Variants in PID1 observed in about 807,000 individuals in gnomAD.
PID1 encodes the protein phosphotyrosine interaction domain containing 1, also known as PTB-containing, cubilin and LRP1-interacting protein.
Under a neutral mutation model 19.1 loss-of-function variants are expected in PID1, and 10 were observed. That is an observed-to-expected ratio of 0.52 (90% CI 0.32 to 0.89). The LOEUF is 0.89. Among genes scored for constraint, PID1 ranks in the 40% least tolerant of loss-of-function variants. The pLI, the probability that PID1 is intolerant of heterozygous loss-of-function variation, is 0.03. For missense variants in PID1, 248 were observed against 285.3 expected (o/e 0.87, Z 0.94); for synonymous variants, 130 against 116.0 (o/e 1.12, Z -0.78).
chr2:229,175,664 C>T (rs1474282101), intron 1 of PID1, among the ~76,000 whole-genome samples: 1 of 152,160 alleles, frequency 6.6e-6, no homozygotes, highest in East Asian at 1.9e-4. Context: ...CAAACTGCCC[C>T]ACCCTATCCT....
intron 2 of PID1, among the ~76,000 whole-genome samples, chr2:229,087,797 T>A (rs1694798483): frequency 6.6e-6 from 1 of 152,146 alleles, no homozygotes; most frequent in South Asian, 2.1e-4. Flanking sequence ...TGATATATAC[T>A]TGTGATACCT....
chr2:229,267,992 G>A (rs1690636372), intron 1 of PID1, among the ~76,000 whole-genome samples: 1 of 152,046 alleles, frequency 6.6e-6, no homozygotes, highest in Admixed American at 6.5e-5. Flanking sequence ...TTTATTCACT[G>A]TAAAAAGTTG....
intron 2 of PID1, among the ~76,000 whole-genome samples, chr2:229,125,146 G>A (rs189319259): frequency 6.6e-6 from 1 of 152,218 alleles, no homozygotes; most frequent in Admixed American, 6.5e-5. Context: ...AAAATGATGT[G>A]TGTCTCATTT....
chr2:229,103,005 T>C (rs1695104405), intron 2 of PID1, among the ~76,000 whole-genome samples: 1 of 152,162 alleles, frequency 6.6e-6, no homozygotes, highest in Non-Finnish European at 1.5e-5. Flanking sequence ...AAATTTCAGA[T>C]CTTACAGGCA....
At chr2:229,167,108 A>G (rs1690614638) in intron 1 of PID1, among the ~76,000 whole-genome samples, 1 of 152,054 alleles carries the variant, frequency 6.6e-6, no homozygotes, top group East Asian at 1.9e-4. Context: ...TCATCCTTAC[A>G]GTAAAGTTAT....
intron 2 of PID1, among the ~76,000 whole-genome samples, chr2:229,148,314 C>A (rs930202467): frequency 4.6e-5 from 7 of 152,174 alleles, no homozygotes; most frequent in Non-Finnish European, 8.8e-5. Flanking sequence ...GCGCTAGGTA[C>A]ACTAGCAGTA....
At chr2:229,119,383 GT>G (rs1695473380) in intron 2 of PID1, among the ~76,000 whole-genome samples, 1 of 152,166 alleles carries the variant, frequency 6.6e-6, no homozygotes. Flanking sequence ...CATTTCTCCA[GT>G]AACAATGGAC....
intron 2 of PID1, among the ~76,000 whole-genome samples, chr2:229,076,858 G>C (rs888893094): frequency 6.6e-6 from 1 of 152,140 alleles, no homozygotes; most frequent in Non-Finnish European, 1.5e-5. Context: ...ATAAACATAC[G>C]TGTGCATGTG....
chr2:229,198,264 T>C (rs1331361644), intron 1 of PID1, among the ~76,000 whole-genome samples: 1 of 152,066 alleles, frequency 6.6e-6, no homozygotes, highest in African/African-American at 2.4e-5. Context: ...GTATGTAACA[T>C]AAATACCTTT....
At chr2:229,201,109 A>T (rs574753792) in intron 1 of PID1, among the ~76,000 whole-genome samples, 3 of 152,146 alleles carry the variant, frequency 2.0e-5, no homozygotes, top group Admixed American at 2.0e-4. Flanking sequence ...TATTTCTTTT[A>T]TTATGGTAAA....
intron 1 of PID1, among the ~76,000 whole-genome samples, chr2:229,230,001 T>C (rs1692167871): frequency 6.6e-6 from 1 of 152,236 alleles, no homozygotes; most frequent in Admixed American, 6.5e-5. Context: ...ATTAAGACTA[T>C]TACAAAGACA....
At position 229,248,871 on chromosome 2, in the gene PID1, T is replaced by G. The variant is rs1369567175; in HGVS notation, c.30+22143A>C. Among the ~76,000 whole-genome samples the G allele has an allele frequency of 3.3e-5, 5 of 152,198 alleles. No individual in the cohort carries two copies. In the East Asian group the frequency reaches 9.6e-4, roughly 29 times the overall value. On this transcript the variant is annotated intron_variant, in intron 1 of 2. Coordinates refer to ENST00000392055, the MANE Select transcript of PID1 (RefSeq NM_001100818.2). Reference sequence around the variant, plus strand: ...CTTCTGTGTCATGTTGAAATAACTTTTTTTTTCTGAGCACTTCCTTGCTTT... The same window carrying G: ...CTTCTGTGTCATGTTGAAATAACTTGTTTTTTCTGAGCACTTCCTTGCTTT...
chr2:229,053,657 A>G (rs773069419), intron 2 of PID1, among the ~76,000 whole-genome samples: 15 of 152,320 alleles, frequency 9.8e-5, no homozygotes, highest in Non-Finnish European at 1.3e-4. Context: ...GACTGAGAGA[A>G]GTTAACTTTT....
intron 1 of PID1, among the ~76,000 whole-genome samples, chr2:229,248,186 T>G (rs1243585902): frequency 6.6e-6 from 1 of 152,206 alleles, no homozygotes. Context: ...TTTTTCCTGG[T>G]CCAGGATCAA....
At chr2:229,250,122 T>A (rs1390872989) in intron 1 of PID1, among the ~76,000 whole-genome samples, 1 of 152,230 alleles carries the variant, frequency 6.6e-6, no homozygotes, top group Non-Finnish European at 1.5e-5. Context: ...CTTTGTTCCC[T>A]ACAATCTGCT....
intron 1 of PID1, among the ~76,000 whole-genome samples, chr2:229,156,932 C>T (rs574313790): frequency 6.6e-6 from 1 of 152,224 alleles, no homozygotes; most frequent in African/African-American, 2.4e-5. Flanking sequence ...GCCTTAGGAC[C>T]CCTGATCACG....
At chr2:229,132,304 G>A (rs1689759441) in intron 2 of PID1, among the ~76,000 whole-genome samples, 1 of 152,154 alleles carries the variant, frequency 6.6e-6, no homozygotes, top group Non-Finnish European at 1.5e-5. Flanking sequence ...TCCCCTTCAA[G>A]CTCTGGCTCC....
At chr2:229,255,402 G>A (rs1281130381) in intron 1 of PID1, among the ~76,000 whole-genome samples, 1 of 152,184 alleles carries the variant, frequency 6.6e-6, no homozygotes, top group Non-Finnish European at 1.5e-5. Flanking sequence ...CCAGTAAAAT[G>A]TCTGCAAAGT....
At chr2:229,205,268 CACAA>C (rs1363651881) in intron 1 of PID1, among the ~76,000 whole-genome samples, 3 of 152,080 alleles carry the variant, frequency 2.0e-5, no homozygotes, top group East Asian at 1.9e-4. Flanking sequence ...TACATACACA[CACAA>C]ACACACACAT....
Sources: allele counts gnomAD v4.1 joint callset (sites outside exome capture counted in the v4.1 genomes callset), GRCh38; gene constraint gnomAD v4.1.1; transcripts MANE v1.5; gene names NCBI Gene and HGNC (gene_info 2026-07-23, HGNC 2026-07-21).